The following SASH1 variants were observed in gnomAD, a reference collection of about 807,000 sequenced individuals.
SASH1 encodes the protein SAM and SH3 domain containing 1.
SASH1 carries 44 observed loss-of-function variants against 125.2 expected under a neutral mutation model. The ratio of observed to expected loss-of-function variants is 0.35; its 90% CI spans 0.28 to 0.45. SASH1 has a LOEUF of 0.45. Ranked by LOEUF, SASH1 falls within the 20% of genes least tolerant of loss-of-function variation. The pLI, the probability that SASH1 is intolerant of heterozygous loss-of-function variation, is 1.00. For missense variants in SASH1, 1,426 were observed against 1,614.5 expected, an observed-to-expected ratio of 0.88 and a Z score of 2.00; for synonymous variants, 639 against 649.1, an observed-to-expected ratio of 0.98 and a Z score of 0.24.
Position 148,549,963 on chromosome 6 carries a change from CCA to C in SASH1, c.*1407_*1408del, listed in dbSNP as rs1782797610. On this transcript the variant is annotated 3_prime_UTR_variant, in exon 20 of 20. Coordinates refer to ENST00000367467, the MANE Select transcript of SASH1 (RefSeq NM_015278.5). Reference sequence around the variant, plus strand: ...TAGCTGGGATTATAGGCACCCACCACCACGCCCAGCTAATTTTTGTATTATTA... The same window carrying C: ...TAGCTGGGATTATAGGCACCCACCACCGCCCAGCTAATTTTTGTATTATTA... The C allele has an allele frequency of 6.2e-6, 1 of 160,712 alleles. No homozygotes were observed. The highest frequency in any genetic ancestry group is 2.4e-5 in the African/African-American group (1 of 41,890). The allele number at this position is 160,712 out of a possible 1,614,324, so 10.0% of individuals were successfully genotyped here.
chr6:148,461,026 T>C (rs1289844144), intron 4 of SASH1, among the ~76,000 whole-genome samples: 1 of 152,216 alleles, frequency 6.6e-6, no homozygotes, highest in Non-Finnish European at 1.5e-5. Context: ...GCTCTGTGAA[T>C]AGTTACAAGA....
chr6:148,229,133 C>CAAAAAAAAAAAAAAAAAAAAAAAAAAA, the SASH1 span, among the ~76,000 whole-genome samples: 3 of 60,970 alleles, frequency 4.9e-5, no homozygotes, highest in Non-Finnish European at 3.0e-5. Flanking sequence ...GACTCCATCT[C>CAAAAAAAAAAAAAAAAAAAAAAAAAAA]AAAAAAAAAA....
intron 1 of SASH1, among the ~76,000 whole-genome samples, chr6:148,378,967 T>C (rs2114776951): frequency 6.6e-6 from 1 of 152,346 alleles, no homozygotes; most frequent in South Asian, 2.1e-4. Flanking sequence ...TTGGTTTTTC[T>C]AGCTGGTGAG....
At chr6:148,356,589 C>T (rs1167140410) in intron 1 of SASH1, among the ~76,000 whole-genome samples, 2 of 147,098 alleles carry the variant, frequency 1.4e-5, no homozygotes, top group East Asian at 4.0e-4. Flanking sequence ...CCTGCCTCAA[C>T]CTCCCAAGTA....
intron 1 of SASH1, among the ~76,000 whole-genome samples, chr6:148,310,979 A>T (rs984492681): frequency 8.6e-5 from 13 of 151,636 alleles, no homozygotes; most frequent in African/African-American, 2.7e-4. Flanking sequence ...GGGTCTCATT[A>T]TGTTGCCCAG....
chr6:148,544,704 C>T lies in SASH1; in HGVS notation c.3234C>T (p.Gly1078=). The change falls in exon 18 of 20, where the codon GGC becomes GGT. Residue 1078 remains glycine (G), a synonymous_variant. Coordinates refer to ENST00000367467, the MANE Select transcript of SASH1 (RefSeq NM_015278.5). The surrounding 1 kb of genome is among the most constrained non-coding windows in gnomAD (Gnocchi z 6.4). The stretch of plus-strand genomic sequence containing the variant: ...TCCAGGAGCACGGTGTGAAGCTGGG[C>T]CCGGCTTTGACCAGGAAGGTCTCCT... ...TSLQEHGVKL[G]PALTRKVSCA... is the part of the protein sequence containing the mutation. 2 of 1,611,790 alleles carry T rather than the reference C, an allele frequency of 1.2e-6. No homozygotes were observed. The highest frequency in any genetic ancestry group is 1.7e-6 in the Non-Finnish European group (2 of 1,178,970).
At chr6:148,422,743 C>T (rs1775625208) in intron 2 of SASH1, among the ~76,000 whole-genome samples, 3 of 148,804 alleles carry the variant, frequency 2.0e-5, no homozygotes. Flanking sequence ...AGAAACATGT[C>T]ATTTATGTAT....
In SASH1 at chr6:148,532,841, G is replaced by A; in HGVS notation, c.1609G>A (p.Glu537Lys). 6.2e-7 allele frequency: 1 copy of A among 1,614,226 alleles called. No individual in the cohort carries two copies. Among genetic ancestry groups the A allele is most frequent in the Non-Finnish European group, 8.5e-7 (1 of 1,180,044 alleles). ...CACTGATTCCTCAACCAGCAACCGG[G>A]AAAGCGTCAAGTCGGAAGATGGGGA... is the stretch of plus-strand genomic sequence containing the variant. ...STTDSSTSNR[E>K]SVKSEDGDDE... The change falls in exon 14 of 20, where the codon GAA becomes AAA. Residue 537 changes from glutamate (E) to lysine (K), a missense_variant. Glu to Lys is a moderately conservative substitution (Grantham distance 56, BLOSUM62 1). Around this residue, in one of 3 missense-constraint regions of SASH1, gnomAD observed 225 missense variants for 344.5 expected, o/e 0.65. Transcript: ENST00000367467. This position sits in a 1 kb window ranked among gnomAD's most constrained non-coding sequence, Gnocchi z 4.7.
At chr6:148,343,332 C>A in intron 1 of SASH1, 109 bp downstream of exon 1, 2 of 1,015,242 alleles carry the variant, frequency 2.0e-6, no homozygotes, top group African/African-American at 1.6e-5. Context: ...TCCGCAGAGG[C>A]GTCCTTCTCT....
chr6:148,525,402 C>G (rs370133576), intron 11 of SASH1, 37 bp downstream of exon 11: 115 of 1,467,882 alleles, frequency 7.8e-5, no homozygotes, highest in Non-Finnish European at 1.1e-4. Context: ...AATATGGATT[C>G]AGGCGATGAG....
chr6:148,508,540 T>C (rs1779933909), intron 8 of SASH1: 1 of 1,036,372 alleles, frequency 9.6e-7, no homozygotes, highest in Non-Finnish European at 1.2e-6. Context: ...CACTCCCTTT[T>C]TTCCTTGTGG....
At chr6:148,240,872 G>T in the SASH1 span, among the ~76,000 whole-genome samples, 2 of 152,112 alleles carry the variant, frequency 1.3e-5, no homozygotes, top group Admixed American at 1.3e-4. Context: ...CCCCATGAAA[G>T]AAAAATATCT....
At chr6:148,314,705 TG>T (rs1780434649) in intron 1 of SASH1, among the ~76,000 whole-genome samples, 3 of 152,092 alleles carry the variant, frequency 2.0e-5, no homozygotes, top group Admixed American at 6.6e-5. Flanking sequence ...AACGAGAAGG[TG>T]GGTTTAGAAT....
intron 1 of SASH1, among the ~76,000 whole-genome samples, chr6:148,289,386 A>T (rs1161709177): frequency 6.6e-6 from 1 of 152,156 alleles, no homozygotes; most frequent in Non-Finnish European, 1.5e-5. Context: ...CTAACTTCAC[A>T]TGCCTCACGA....
chr6:148,473,036 G>A (rs1342558850), intron 6 of SASH1, among the ~76,000 whole-genome samples: 1 of 152,192 alleles, frequency 6.6e-6, no homozygotes, highest in East Asian at 1.9e-4. Context: ...GGCAATAGCA[G>A]TCTGTTTGCT....
chr6:148,395,552 A>G (rs944999894), intron 2 of SASH1, among the ~76,000 whole-genome samples: 1 of 152,216 alleles, frequency 6.6e-6, no homozygotes, highest in Non-Finnish European at 1.5e-5. Context: ...ATTCAACAAT[A>G]TAAACAGAGA....
the SASH1 span, among the ~76,000 whole-genome samples, chr6:148,266,992 A>G: frequency 2.6e-4 from 39 of 152,108 alleles, no homozygotes; most frequent in African/African-American, 8.5e-4. Context: ...AGGTAGTAGC[A>G]TGCCTAAGGT....
At chr6:148,540,951 A>G (rs1583329586) in intron 17 of SASH1, among the ~76,000 whole-genome samples, 1 of 152,182 alleles carries the variant, frequency 6.6e-6, no homozygotes, top group East Asian at 1.9e-4. Context: ...CGAGGCAGTT[A>G]CTGCAGGAGA....
At chr6:148,275,851 A>T (rs1779169575) in intron 1 of SASH1, among the ~76,000 whole-genome samples, 2 of 152,114 alleles carry the variant, frequency 1.3e-5, no homozygotes, top group East Asian at 1.9e-4. Context: ...CCTCCCACGT[A>T]GCAGGGACTA....
Sources: gnomAD v4.1 joint callset for allele counts (sites outside exome capture counted in the v4.1 genomes callset) on GRCh38, gnomAD v4.1.1 for gene constraint, gnomAD v4.1.1 regional missense constraint, Gnocchi (gnomAD v3.1) non-coding constraint, MANE v1.5 for transcripts, NCBI Gene and HGNC (gene_info 2026-07-23, HGNC 2026-07-21) for gene names.